The following AGFG1 variants were observed in gnomAD, a reference collection of about 807,000 sequenced individuals.
AGFG1 encodes the protein arf-GAP domain and FG repeat-containing protein 1.
A neutral mutation model predicts 60.6 loss-of-function variants in AGFG1; 10 were observed. The observed-to-expected ratio is 0.16, with a 90% CI of 0.10 to 0.28. The LOEUF is 0.28. Among genes scored for constraint, AGFG1 ranks in the 10% least tolerant of loss-of-function variants. The probability of loss-of-function intolerance (pLI) is 1.00; values close to 1 mark genes in which losing one functional copy is unlikely to be tolerated. For synonymous variants in AGFG1, 247 were observed against 242.9 expected, an observed-to-expected ratio of 1.02 and a Z score of -0.16; for missense variants, 537 against 676.5, an observed-to-expected ratio of 0.79 and a Z score of 2.29.
intron 2 of AGFG1, among the ~76,000 whole-genome samples, chr2:227,509,579 C>T (rs540691833): frequency 1.3e-5 from 2 of 152,074 alleles, no homozygotes; most frequent in South Asian, 2.1e-4. Flanking sequence ...CTTGTTATGT[C>T]ACCAATTTAA....
intron 10 of AGFG1, among the ~76,000 whole-genome samples, chr2:227,542,721 C>G (rs1488207041): frequency 6.6e-6 from 1 of 152,144 alleles, no homozygotes; most frequent in Admixed American, 6.6e-5. Context: ...TTGGAAGTTT[C>G]AGAAGGAATG....
intron 1 of AGFG1, among the ~76,000 whole-genome samples, chr2:227,478,371 C>T (rs1690350981): frequency 6.6e-6 from 1 of 151,622 alleles, no homozygotes; most frequent in African/African-American, 2.4e-5. Flanking sequence ...GAGACAGGGT[C>T]TCACTCTGTC....
intron 1 of AGFG1, 139 bp downstream of exon 1, chr2:227,472,727 T>G (rs1461737924): frequency 1.0e-6 from 1 of 998,566 alleles, no homozygotes; most frequent in East Asian, 3.7e-5. Flanking sequence ...GGGCGCCGGC[T>G]GGCGGGCGCG....
intron 1 of AGFG1, among the ~76,000 whole-genome samples, chr2:227,490,410 C>G (rs1046816103): frequency 8.6e-5 from 13 of 151,910 alleles, no homozygotes; most frequent in Non-Finnish European, 1.8e-4. Context: ...AACCCTGTCT[C>G]TACTAAAAAT....
Position 227,500,938 on chromosome 2 carries a change from G to A in AGFG1, c.261+9298G>A, listed in dbSNP as rs186712203. 2.1e-3 allele frequency among the ~76,000 whole-genome samples: 325 copies of A among 151,528 alleles called. 2 individuals are homozygous for A. The highest frequency in any genetic ancestry group is 7.7e-3 in the African/African-American group (316 of 41,286). On this transcript the variant is annotated intron_variant, in intron 2 of 12. Coordinates refer to ENST00000310078, the MANE Select transcript of AGFG1 (RefSeq NM_004504.5). ...CTCCTGAGTAGCTGGGATTACAGGCGCTCGCCACCACGCCCAGCTAATTTT... is the reference window on the plus strand; with the variant it reads ...CTCCTGAGTAGCTGGGATTACAGGCACTCGCCACCACGCCCAGCTAATTTT...
At position 227,477,494 on chromosome 2, in the gene AGFG1, A is replaced by C. The variant is rs574627641; in HGVS notation, c.167+4906A>C. Among the ~76,000 whole-genome samples, 4 of 152,312 alleles carry C rather than the reference A, an allele frequency of 2.6e-5. No homozygotes were observed. In the East Asian group the frequency reaches 7.7e-4, roughly 29 times the overall value. ...ACTGATGCTGATTCCACCACCAAAGAATGTATGGTTACCATGGTTACCGTA... is the reference window on the plus strand; with the variant it reads ...ACTGATGCTGATTCCACCACCAAAGCATGTATGGTTACCATGGTTACCGTA... On this transcript the variant is annotated intron_variant, in intron 1 of 12. Transcript: ENST00000310078.
At chr2:227,514,768 A>G (rs1430770352) in intron 2 of AGFG1, among the ~76,000 whole-genome samples, 4 of 152,060 alleles carry the variant, frequency 2.6e-5, no homozygotes, top group Admixed American at 6.5e-5. Context: ...CATCAAAACC[A>G]ATTCCATTGT....
chr2:227,494,956 A>G (rs1246130320), intron 2 of AGFG1, among the ~76,000 whole-genome samples: 1 of 152,190 alleles, frequency 6.6e-6, no homozygotes, highest in South Asian at 2.1e-4. Flanking sequence ...TGTTATTACT[A>G]TTTATAGATA....
intron 9 of AGFG1, 27 bp downstream of exon 9, chr2:227,536,731 T>C (rs1415905910): frequency 6.2e-7 from 1 of 1,609,478 alleles, no homozygotes; most frequent in Non-Finnish European, 8.5e-7. Flanking sequence ...TATACACTGG[T>C]TTTTACAAAG....
chr2:227,486,751 T>A (rs566207888), intron 1 of AGFG1, among the ~76,000 whole-genome samples: 30 of 152,326 alleles, frequency 2.0e-4, no homozygotes, highest in African/African-American at 7.2e-4. Flanking sequence ...TCCATGAATT[T>A]CTTTTGCTTG....
intron 2 of AGFG1, among the ~76,000 whole-genome samples, chr2:227,494,882 A>G (rs1050610555): frequency 2.0e-5 from 3 of 152,226 alleles, no homozygotes; most frequent in Non-Finnish European, 2.9e-5. Flanking sequence ...ACTGATGGCA[A>G]TACGAATTGT....
intron 2 of AGFG1, among the ~76,000 whole-genome samples, chr2:227,500,139 T>G (rs146256046): frequency 1.3e-5 from 2 of 151,958 alleles, no homozygotes; most frequent in East Asian, 3.9e-4. Flanking sequence ...GCCTCATAGG[T>G]TTTTGAGGAA....
chr2:227,488,242 A>T (rs545515362), intron 1 of AGFG1, among the ~76,000 whole-genome samples: 1 of 152,298 alleles, frequency 6.6e-6, no homozygotes, highest in African/African-American at 2.4e-5. Flanking sequence ...TAATATGAAT[A>T]CCTTCTTTGT....
At position 227,518,287 on chromosome 2, in the gene AGFG1, G is replaced by A. The variant is rs557056034; in HGVS notation, c.262-1661G>A. ...TTATGTACAGTCTGAGTGTGGAAAAGTGCTTTTATTTTTCTTGAATAAATA... is the reference window on the plus strand; with the variant it reads ...TTATGTACAGTCTGAGTGTGGAAAAATGCTTTTATTTTTCTTGAATAAATA... On this transcript the variant is annotated intron_variant, in intron 2 of 12. Coordinates refer to ENST00000310078, the MANE Select transcript of AGFG1 (RefSeq NM_004504.5). Among the ~76,000 whole-genome samples, 160 of 152,270 alleles carry A rather than the reference G, an allele frequency of 1.1e-3. 6 individuals carry two copies. The South Asian group carries it at 0.032, about 31-fold the overall frequency.
intron 10 of AGFG1, among the ~76,000 whole-genome samples, chr2:227,550,714 T>A (rs1169438362): frequency 6.6e-6 from 1 of 152,214 alleles, no homozygotes; most frequent in African/African-American, 2.4e-5. Context: ...CTACAGGGAT[T>A]ACTTTGGGCA....
At chr2:227,486,335 G>T (rs1045915438) in intron 1 of AGFG1, among the ~76,000 whole-genome samples, 5 of 151,996 alleles carry the variant, frequency 3.3e-5, no homozygotes, top group African/African-American at 1.2e-4. Flanking sequence ...GGTTTTCGGG[G>T]GGTAATTTAT....
intron 7 of AGFG1, among the ~76,000 whole-genome samples, chr2:227,534,288 C>T (rs1692244588): frequency 6.6e-6 from 1 of 152,120 alleles, no homozygotes; most frequent in South Asian, 2.1e-4. Context: ...ATTCTGATCT[C>T]TGGGCCTGTT....
chr2:227,524,621 TTGAG>T, intron 4 of AGFG1, 137 bp from the exon 5 acceptor site: 1 of 851,498 alleles, frequency 1.2e-6, no homozygotes. Context: ...TCACAAAAGA[TTGAG>T]TGAAAAATGA....
chr2:227,498,254 G>A (rs906926131), intron 2 of AGFG1, among the ~76,000 whole-genome samples: 16 of 152,170 alleles, frequency 1.1e-4, no homozygotes, highest in African/African-American at 3.6e-4. Flanking sequence ...TATCACATAG[G>A]AACATGGCAT....
Sources: gnomAD v4.1 joint callset for allele counts (sites outside exome capture counted in the v4.1 genomes callset) on GRCh38, gnomAD v4.1.1 for gene constraint, MANE v1.5 for transcripts, NCBI Gene and HGNC (gene_info 2026-07-23, HGNC 2026-07-21) for gene names.